The following ADCK1 variants were observed in gnomAD, a reference collection of about 807,000 sequenced individuals.
ADCK1 encodes aarF domain-containing protein kinase 1.
ADCK1 carries 41 observed loss-of-function variants against 52.3 expected under a neutral mutation model. The ratio of observed to expected loss-of-function variants is 0.78; its 90% CI spans 0.61 to 1.02. ADCK1 has a LOEUF of 1.02. Ranked by LOEUF, ADCK1 falls within the 50% of genes least tolerant of loss-of-function variation. ADCK1 has a pLI of 0.00. For synonymous variants in ADCK1, 250 were observed against 274.6 expected, an observed-to-expected ratio of 0.91 and a Z score of 0.89; for missense variants, 658 against 679.5, an observed-to-expected ratio of 0.97 and a Z score of 0.35.
chr14:77,801,518 G>T (rs1246492374), intron 1 of ADCK1, among the ~76,000 whole-genome samples: 1 of 152,028 alleles, frequency 6.6e-6, no homozygotes, highest in East Asian at 1.9e-4. Context: ...TACCTTATTG[G>T]GTCATTCTTT....
At chr14:77,805,210 TAAA>T (rs558205777) in intron 1 of ADCK1, among the ~76,000 whole-genome samples, 3 of 101,476 alleles carry the variant, frequency 3.0e-5, no homozygotes, top group Non-Finnish European at 4.0e-5. Flanking sequence ...CTGTCTCATT[TAAA>T]AAAAAAAAAA....
intron 5 of ADCK1, among the ~76,000 whole-genome samples, chr14:77,893,737 C>CTTTT (rs1555356623): frequency 4.0e-5 from 2 of 50,380 alleles, no homozygotes; most frequent in Non-Finnish European, 4.1e-5. Context: ...TCCTTCCTTC[C>CTTTT]TTTTTTTTTT....
rs34740100 is a variant in ADCK1 at position 77,925,947 on chromosome 14, G to A, written c.1192G>A (p.Val398Ile). The A allele has an allele frequency of 7.4e-4, 1,188 of 1,614,056 alleles. 8 individuals carry two copies. The African/African-American group carries it at 0.013, about 17-fold the overall frequency. The stretch of plus-strand genomic sequence containing the variant: ...CAACAGAGGCATCAGCCAAGCTCCC[G>A]TCACTGCCACTGAGGTAGGGGGCCC... ...SVNRGISQAP[V>I]TATEDLEIRN... The change falls in exon 9 of 11, where the codon GTC becomes ATC. Residue 398 changes from valine to isoleucine, a missense_variant. By Grantham distance (29) the Val-to-Ile change is conservative. Transcript: ENST00000238561.
At chr14:77,816,881 A>AATATAT (rs71128689) in intron 1 of ADCK1, among the ~76,000 whole-genome samples, 3,751 of 109,974 alleles carry the variant, frequency 0.034, 250 homozygotes, top group African/African-American at 0.1. Flanking sequence ...GTAGATGGTA[A>AATATAT]ATATATATAT....
intron 1 of ADCK1, among the ~76,000 whole-genome samples, chr14:77,813,510 C>T (rs2081377420): frequency 1.3e-5 from 2 of 152,126 alleles, no homozygotes; most frequent in Admixed American, 1.3e-4. Context: ...GGGGTTTCAC[C>T]ATGTTGGCCA....
chr14:77,888,369 G>A (rs1429853385), intron 5 of ADCK1, among the ~76,000 whole-genome samples: 1 of 152,160 alleles, frequency 6.6e-6, no homozygotes, highest in Non-Finnish European at 1.5e-5. Context: ...GCGTAGAATG[G>A]TATGTATGGT....
At chr14:77,908,796 A>G (rs1413093033) in intron 7 of ADCK1, among the ~76,000 whole-genome samples, 2 of 152,172 alleles carry the variant, frequency 1.3e-5, no homozygotes, top group African/African-American at 4.8e-5. Context: ...ACACACATCT[A>G]AATCCTTGCT....
chr14:77,833,475 G>C (rs1175225632), intron 3 of ADCK1, among the ~76,000 whole-genome samples: 4 of 152,160 alleles, frequency 2.6e-5, no homozygotes, highest in Non-Finnish European at 4.4e-5. Flanking sequence ...ATTTCTGCAG[G>C]AGCATGAGCT....
chr14:77,840,877 A>G (rs2082051825), intron 3 of ADCK1, among the ~76,000 whole-genome samples: 1 of 119,622 alleles, frequency 8.4e-6, no homozygotes, highest in South Asian at 3.3e-4. Context: ...GGAGGGAGGG[A>G]GAGAAGGGAA....
chr14:77,838,120 A>G (rs61990724), intron 3 of ADCK1, among the ~76,000 whole-genome samples: 7,032 of 152,246 alleles, frequency 0.046, 221 homozygotes, highest in Non-Finnish European at 0.073. Flanking sequence ...GCTATTTTCT[A>G]CCAAATTAAA....
chr14:77,886,640 T>C (rs1017118592), intron 4 of ADCK1, among the ~76,000 whole-genome samples: 4 of 152,040 alleles, frequency 2.6e-5, no homozygotes, highest in African/African-American at 7.2e-5. Flanking sequence ...AAAAAATCTG[T>C]CCTGGAGGCT....
chr14:77,838,931 A>G (rs544479544), intron 3 of ADCK1, among the ~76,000 whole-genome samples: 2 of 152,320 alleles, frequency 1.3e-5, no homozygotes, highest in South Asian at 2.1e-4. Flanking sequence ...GTAATTCACA[A>G]TGATGGGACT....
chr14:77,832,889 T>C (rs1326955971), intron 3 of ADCK1, among the ~76,000 whole-genome samples: 1 of 152,220 alleles, frequency 6.6e-6, no homozygotes, highest in Non-Finnish European at 1.5e-5. Context: ...CCCTGAAACC[T>C]GGGATCTGGT....
At chr14:77,859,637 C>T (rs935544254) in intron 4 of ADCK1, among the ~76,000 whole-genome samples, 1 of 152,208 alleles carries the variant, frequency 6.6e-6, no homozygotes, top group Non-Finnish European at 1.5e-5. Flanking sequence ...TTTCAACCTA[C>T]CTGTCTGTAA....
intron 6 of ADCK1, among the ~76,000 whole-genome samples, chr14:77,906,418 T>A (rs2083666861): frequency 6.6e-6 from 1 of 152,220 alleles, no homozygotes; most frequent in South Asian, 2.1e-4. Context: ...GGCAGCCTGG[T>A]TGCATTCTAG....
chr14:77,902,489 A>G (rs1291379325), intron 6 of ADCK1: 1 of 152,222 alleles, frequency 6.6e-6, no homozygotes, highest in East Asian at 1.9e-4. Context: ...ACAAGTGATA[A>G]TGTTAACTAA....
intron 3 of ADCK1, among the ~76,000 whole-genome samples, chr14:77,838,442 G>C (rs1032325252): frequency 3.9e-5 from 6 of 152,086 alleles, no homozygotes; most frequent in African/African-American, 1.4e-4. Context: ...TGTCGCTCAG[G>C]GTGGAGTGCA....
chr14:77,827,184 T>C (rs553878850), intron 3 of ADCK1, among the ~76,000 whole-genome samples: 8 of 140,556 alleles, frequency 5.7e-5, no homozygotes, highest in South Asian at 2.2e-4. Context: ...AAACCCTGTC[T>C]CTACTAAAAA....
Position 77,859,336 on chromosome 14 carries a change from G to A in ADCK1, c.423+57G>A, listed in dbSNP as rs576777492. ...GTTGGGATGCTTCAGAAAAGGCCCCGGCTGAATTCTTGCAGCCTCGACCAG... is the reference window on the plus strand; with the variant it reads ...GTTGGGATGCTTCAGAAAAGGCCCCAGCTGAATTCTTGCAGCCTCGACCAG... On this transcript the variant is annotated intron_variant, in intron 4 of 10. Transcript: ENST00000238561. The A allele has an allele frequency of 9.5e-5, 146 of 1,538,908 alleles. 1 individual carries two copies. Among genetic ancestry groups the A allele is most frequent in the South Asian group, 7.2e-4 (59 of 81,928 alleles).
Sources: allele counts gnomAD v4.1 joint callset (sites outside exome capture counted in the v4.1 genomes callset), GRCh38; gene constraint gnomAD v4.1.1; transcripts MANE v1.5; gene names NCBI Gene and HGNC (gene_info 2026-07-23, HGNC 2026-07-21).